HBEGF: variants seen among roughly 807,000 people sequenced by gnomAD.
HBEGF encodes heparin binding EGF like growth factor, also known as proheparin-binding EGF-like growth factor.
HBEGF carries 8 observed loss-of-function variants against 19.5 expected under a neutral mutation model. The observed-to-expected ratio is 0.41, with a 90% CI of 0.24 to 0.74. The LOEUF (loss-of-function observed/expected upper bound fraction) is 0.74, where lower values mean the gene tolerates loss of function less well. HBEGF is among the 30% of genes least tolerant of loss of function. The pLI is 0.32. For missense variants in HBEGF, 207 were observed against 256.9 expected (o/e 0.81, Z 1.33); for synonymous variants, 97 against 108.9 (o/e 0.89, Z 0.68).
intron 4 of HBEGF, 44 bp downstream of exon 4, chr5:140,335,828 G>T (rs962031858): frequency 3.1e-6 from 5 of 1,600,668 alleles, no homozygotes; most frequent in Non-Finnish European, 4.3e-6. Context: ...AGGAAGAAAG[G>T]GAGTGATTTG....
At chr5:140,341,965 C>G (rs4150213) in intron 3 of HBEGF, among the ~76,000 whole-genome samples, 1 of 152,152 alleles carries the variant, frequency 6.6e-6, no homozygotes, top group Non-Finnish European at 1.5e-5. Context: ...GTTGCCTGAC[C>G]GGGGGCTGAT....
At chr5:140,344,823 G>A (rs1032566222) in intron 2 of HBEGF, among the ~76,000 whole-genome samples, 8 of 143,624 alleles carry the variant, frequency 5.6e-5, no homozygotes, top group Non-Finnish European at 1.1e-4. Context: ...AGTGAGTCAG[G>A]TCTGCAGAGG....
chr5:140,340,413 C>G (rs1162060635), intron 3 of HBEGF, among the ~76,000 whole-genome samples: 1 of 151,786 alleles, frequency 6.6e-6, no homozygotes, highest in East Asian at 1.9e-4. Flanking sequence ...AACTACGTCT[C>G]TACTAAAAAT....
chr5:140,344,971 T>A (rs931138712), intron 2 of HBEGF, among the ~76,000 whole-genome samples: 4 of 151,968 alleles, frequency 2.6e-5, no homozygotes, highest in African/African-American at 4.8e-5. Flanking sequence ...TGGGAGAGGA[T>A]GAAGTATGGG....
At chr5:140,339,549 C>T (rs1168084116) in intron 3 of HBEGF, among the ~76,000 whole-genome samples, 1 of 152,070 alleles carries the variant, frequency 6.6e-6, no homozygotes, top group East Asian at 1.9e-4. Context: ...CCCGCCACAA[C>T]ACCCAGCTAA....
chr5:140,334,526 T>G (rs1766198333), intron 5 of HBEGF, 132 bp downstream of exon 5: 2 of 707,942 alleles, frequency 2.8e-6, no homozygotes, highest in Admixed American at 4.4e-5. Flanking sequence ...TGAAAATAAT[T>G]CTGCAATGGG....
chr5:140,335,948 T>C lies in HBEGF; in HGVS notation c.478A>G (p.Thr160Ala). Residue 160 changes from threonine (T) to alanine (A), a missense_variant, in exon 4 of 6, where the codon ACA (threonine) becomes GCA (alanine). Thr to Ala is a moderately conservative substitution (Grantham distance 58, BLOSUM62 0). This residue lies in a region of HBEGF where 77 missense variants were observed against 106.9 expected (regional missense o/e 0.72). Transcript: ENST00000230990. The part of the protein sequence containing the change: ...VENRLYTYDH[T>A]TILAVVAVVL... ...ACAGCCACCACGGCCAGGATGGTTG[T>C]GTGGTCATAGGTATATAAGCGATTT... is the stretch of plus-strand genomic sequence containing the variant. The C allele has an allele frequency of 1.2e-6, 2 of 1,614,152 alleles. No individual in the cohort carries two copies. The highest frequency in any genetic ancestry group is 1.7e-6 in the Non-Finnish European group (2 of 1,180,030).
At chr5:140,339,285 C>CCTCAGCCCGA (rs1426730976) in intron 3 of HBEGF, among the ~76,000 whole-genome samples, 1 of 152,202 alleles carries the variant, frequency 6.6e-6, no homozygotes, top group African/African-American at 2.4e-5. Context: ...TCTGAGTCCT[C>CCTCAGCCCGA]CTCAGCCCAA....
At chr5:140,342,235 A>G (rs116796238) in intron 3 of HBEGF, among the ~76,000 whole-genome samples, 192 of 152,146 alleles carry the variant, frequency 1.3e-3, no homozygotes, top group African/African-American at 4.5e-3. Context: ...ATGCATCCAA[A>G]TGCACTTCCT....
chr5:140,346,460 G>T lies in HBEGF; in HGVS notation c.-132C>A. ...CACCGTCTGCCGCCCGCCTCTGCGT[G>T]CAAGCCTGGCCGGGACCCAGGCGCA... is the stretch of plus-strand genomic sequence containing the variant. On this transcript the variant is annotated 5_prime_UTR_variant, in exon 1 of 6. Coordinates refer to ENST00000230990, the MANE Select transcript of HBEGF (RefSeq NM_001945.3). This position sits in a 1 kb window ranked among gnomAD's most constrained non-coding sequence, Gnocchi z 6.1. The T allele has an allele frequency of 1.0e-6, 1 of 983,454 alleles. No individual in the cohort carries two copies. Among genetic ancestry groups the T allele is most frequent in the Non-Finnish European group, 1.5e-6 (1 of 648,030 alleles). The allele number at this position is 983,454 out of a possible 1,614,324, so 60.9% of individuals were successfully genotyped here. A position where few individuals can be genotyped will look rare whatever the true frequency, so the allele number is the denominator to read the frequency against.
chr5:140,340,176 C>T (rs1766286626), intron 3 of HBEGF, among the ~76,000 whole-genome samples: 1 of 151,670 alleles, frequency 6.6e-6, no homozygotes, highest in Non-Finnish European at 1.5e-5. Flanking sequence ...ATACCAGCTG[C>T]TCAGGAGGCT....
At chr5:140,338,423 G>A (rs1360830155) in intron 3 of HBEGF, among the ~76,000 whole-genome samples, 2 of 152,190 alleles carry the variant, frequency 1.3e-5, no homozygotes, top group African/African-American at 4.8e-5. Context: ...GGATTCAACA[G>A]CAGTCTGGAT....
intron 3 of HBEGF, among the ~76,000 whole-genome samples, chr5:140,336,788 G>T (rs939463993): frequency 6.6e-6 from 1 of 150,922 alleles, no homozygotes; most frequent in South Asian, 2.1e-4. Context: ...TCTCACTCAA[G>T]AAATAAATCA....
At chr5:140,341,012 T>C (rs977019559) in intron 3 of HBEGF, among the ~76,000 whole-genome samples, 4 of 152,224 alleles carry the variant, frequency 2.6e-5, no homozygotes, top group Non-Finnish European at 5.9e-5. Context: ...ACTATATCTC[T>C]CCAGCTCCTA....
rs1261562041 is a variant in HBEGF, at chr5:140,334,210, T to A, written c.*89A>T. On this transcript the variant is annotated 3_prime_UTR_variant, in exon 6 of 6. Transcript: ENST00000230990. ...GGACGAAGGAGTCTTTGTGACTAGA[T>A]GGAAGTCTTTCCCCTCTGCAGTCTG... 1 of 158,504 alleles carries A rather than the reference T, an allele frequency of 6.3e-6. No individual in the cohort carries two copies. The highest frequency in any genetic ancestry group is 6.3e-5 in the Admixed American group (1 of 16,000). 9.8% of individuals were successfully genotyped at this position (158,504 alleles called of 1,614,324 possible).
chr5:140,338,002 T>C (rs1766253551), intron 3 of HBEGF, among the ~76,000 whole-genome samples: 1 of 152,176 alleles, frequency 6.6e-6, no homozygotes, highest in African/African-American at 2.4e-5. Context: ...GTCAGAGAAA[T>C]TAAGTGATTC....
At chr5:140,337,306 CA>C (rs1261789534) in intron 3 of HBEGF, among the ~76,000 whole-genome samples, 1 of 152,190 alleles carries the variant, frequency 6.6e-6, no homozygotes, top group African/African-American at 2.4e-5. Flanking sequence ...CCCAAGGTCA[CA>C]CAGTAAGACA....
chr5:140,341,223 G>A (rs1766306719), intron 3 of HBEGF, among the ~76,000 whole-genome samples: 1 of 152,148 alleles, frequency 6.6e-6, no homozygotes, highest in Admixed American at 6.6e-5. Flanking sequence ...TCTCCAGGAG[G>A]GCAACCTTAT....
intron 3 of HBEGF, among the ~76,000 whole-genome samples, chr5:140,339,038 A>G (rs1340013230): frequency 6.6e-6 from 1 of 152,258 alleles, no homozygotes; most frequent in Non-Finnish European, 1.5e-5. Flanking sequence ...AGAAATGCCT[A>G]CTTCACTAGA....
Sources: gnomAD v4.1 joint callset for allele counts (sites outside exome capture counted in the v4.1 genomes callset) on GRCh38, gnomAD v4.1.1 for gene constraint, gnomAD v4.1.1 regional missense constraint, Gnocchi (gnomAD v3.1) non-coding constraint, MANE v1.5 for transcripts, NCBI Gene and HGNC (gene_info 2026-07-23, HGNC 2026-07-21) for gene names.